TACC2: variants seen among roughly 807,000 people sequenced by gnomAD.
The protein encoded by TACC2 is transforming acidic coiled-coil-containing protein 2.
TACC2 carries 137 observed loss-of-function variants against 227.3 expected under a neutral mutation model. That is an observed-to-expected ratio of 0.60 (90% CI 0.52 to 0.69). The LOEUF (loss-of-function observed/expected upper bound fraction) is 0.69. TACC2 is among the 30% of genes least tolerant of loss of function. TACC2 has a pLI of 0.00. For missense variants in TACC2, 3,470 were observed against 3,694.4 expected (o/e 0.94, Z 1.57); for synonymous variants, 1,523 against 1,487.5 (o/e 1.02, Z -0.55).
At position 122,084,959 on chromosome 10, in the gene TACC2, A is replaced by T; in HGVS notation, c.2459A>T (p.Glu820Val). 2 of 1,614,174 alleles carry T rather than the reference A, an allele frequency of 1.2e-6. No individual in the cohort carries two copies. Among genetic ancestry groups the T allele is most frequent in the Non-Finnish European group, 1.7e-6 (2 of 1,180,034 alleles). The change falls in exon 4 of 23, where the codon GAG becomes GTG. Residue 820 changes from glutamate to valine, a missense_variant. Transcript: ENST00000369005. ...GGCTGGATAAGAGGAGCTGCATCCG[A>T]GTGGCCCCTACTATCTTCTGAGAAG... ...GEGWIRGAAS[E>V]WPLLSSEKHL...
intron 10 of TACC2, among the ~76,000 whole-genome samples, chr10:122,216,384 T>A (rs1265919115): frequency 6.6e-6 from 1 of 151,458 alleles, no homozygotes; most frequent in Non-Finnish European, 1.5e-5. Flanking sequence ...ATCCTGATTT[T>A]TTTTTTTTTT....
chr10:122,033,647 C>A (rs894496276), intron 2 of TACC2, among the ~76,000 whole-genome samples: 1 of 152,156 alleles, frequency 6.6e-6, no homozygotes, highest in African/African-American at 2.4e-5. Context: ...GTGGCTCTGC[C>A]CAAAGTGTTT....
intron 19 of TACC2, among the ~76,000 whole-genome samples, chr10:122,245,330 C>T (rs2096087295): frequency 1.3e-5 from 2 of 152,070 alleles, no homozygotes; most frequent in Admixed American, 1.3e-4. Flanking sequence ...TTCTTGCCTC[C>T]CCCGTCTCCT....
Position 122,084,992 on chromosome 10 carries a change from A to C in TACC2, c.2492A>C (p.Gln831Pro). 1 of 1,614,156 alleles carries C rather than the reference A, an allele frequency of 6.2e-7. No homozygotes were observed. The highest frequency in any genetic ancestry group is 1.3e-5 in the African/African-American group (1 of 75,044). ...CTACTATCTTCTGAGAAGCATCTCC[A>C]GCCATCCCAGGCACAACCAGAGACA... Reference protein sequence around the residue: ...WPLLSSEKHLQPSQAQPETSI... With the variant: ...WPLLSSEKHLPPSQAQPETSI... The change falls in exon 4 of 23, where the codon CAG becomes CCG. Residue 831 changes from glutamine to proline, a missense_variant. Gln to Pro is a moderately conservative substitution (Grantham distance 76). Coordinates refer to ENST00000369005, the MANE Select transcript of TACC2 (RefSeq NM_206862.4).
rs1248601100 is a variant in TACC2 at position 122,227,971 on chromosome 10, C to CCAT, written c.7860_7862dup (p.Ala2620_Met2621insIle). 3.1e-6 allele frequency: 5 copies of CCAT among 1,614,064 alleles called. No homozygotes were observed. The South Asian group carries it at 5.5e-5, about 18-fold the overall frequency. On this transcript the variant is annotated inframe_insertion, in exon 14 of 23. Coordinates refer to ENST00000369005, the MANE Select transcript of TACC2 (RefSeq NM_206862.4). The stretch of plus-strand genomic sequence containing the variant: ...AAATCCTCCCAGAAGGAGCTGGAGG[C>CCAT]CATGGGCTTGGGCACCCCTTCAGAA...
chr10:122,254,119 TC>T lies in TACC2; in HGVS notation c.*65del. On this transcript the variant is annotated 3_prime_UTR_variant, in exon 23 of 23. Transcript: ENST00000369005. ...AATATGACCGTCGGCACACTGCTGT[TC>T]CTCCAGTTCCATGGACAGGTTCTGT... 7.5e-7 allele frequency: 1 copy of T among 1,324,724 alleles called. No individual in the cohort carries two copies. The highest frequency in any genetic ancestry group is 1.4e-5 in the African/African-American group (1 of 69,356). The allele number at this position is 1,324,724 out of a possible 1,614,324, so 82.1% of individuals were successfully genotyped here.
At position 122,249,012 on chromosome 10, in the gene TACC2, C is replaced by T. The variant is rs372616886; in HGVS notation, c.8554-38C>T. 1.1e-3 allele frequency: 1,687 copies of T among 1,581,636 alleles called. 3 individuals are homozygous for T. Among genetic ancestry groups the T allele is most frequent in the Non-Finnish European group, 1.2e-3 (1,442 of 1,155,626 alleles). Reference sequence around the variant, plus strand: ...CCCACCAGTGCTGGGCATTTGTTCTCGTGGGCTTGACGCCTGTCCTCTGCC... The same window carrying T: ...CCCACCAGTGCTGGGCATTTGTTCTTGTGGGCTTGACGCCTGTCCTCTGCC... On this transcript the variant is annotated intron_variant, in intron 20 of 22. Transcript: ENST00000369005.
intron 7 of TACC2, among the ~76,000 whole-genome samples, chr10:122,174,241 A>G (rs1450212684): frequency 6.6e-6 from 1 of 152,186 alleles, no homozygotes; most frequent in Non-Finnish European, 1.5e-5. Context: ...AAACTCAGCC[A>G]GCACTCCCAA....
chr10:122,208,952 G>A (rs1270257900), intron 8 of TACC2, among the ~76,000 whole-genome samples: 1 of 152,250 alleles, frequency 6.6e-6, no homozygotes, highest in Non-Finnish European at 1.5e-5. Flanking sequence ...ATGCATGAAA[G>A]ATGCCGCTGG....
At chr10:122,216,892 C>T (rs72840893) in intron 11 of TACC2, 64 bp downstream of exon 11, 5 of 1,613,230 alleles carry the variant, frequency 3.1e-6, no homozygotes, top group Non-Finnish European at 4.2e-6. Flanking sequence ...CCTAGGGAGC[C>T]AAAGGCCAGG....
chr10:122,014,165 T>C (rs1956271023), intron 1 of TACC2, among the ~76,000 whole-genome samples: 1 of 152,082 alleles, frequency 6.6e-6, no homozygotes, highest in African/African-American at 2.4e-5. Flanking sequence ...GTAAAGACTT[T>C]GGGCAAGCTG....
intron 1 of TACC2, among the ~76,000 whole-genome samples, chr10:121,997,262 C>T (rs1953638996): frequency 6.6e-6 from 1 of 152,138 alleles, no homozygotes; most frequent in Non-Finnish European, 1.5e-5. Flanking sequence ...CTTCTCACTC[C>T]TGCTTCTCAG....
intron 3 of TACC2, among the ~76,000 whole-genome samples, chr10:122,055,186 C>T (rs1274047476): frequency 6.6e-6 from 1 of 151,864 alleles, no homozygotes; most frequent in African/African-American, 2.4e-5. Context: ...CACCACTGCA[C>T]TCCAGCCTGG....
intron 1 of TACC2, among the ~76,000 whole-genome samples, chr10:121,990,946 C>A (rs952151709): frequency 6.6e-6 from 1 of 152,094 alleles, no homozygotes; most frequent in South Asian, 2.1e-4. Flanking sequence ...TGCCACCACG[C>A]CCAGCTAATT....
chr10:122,231,002 C>A (rs150547603), intron 16 of TACC2, among the ~76,000 whole-genome samples: 1 of 152,158 alleles, frequency 6.6e-6, no homozygotes, highest in Non-Finnish European at 1.5e-5. Flanking sequence ...GTATTTCCAG[C>A]CTTGTGGGCC....
chr10:122,150,872 C>G lies in TACC2; in HGVS notation c.5834+7166C>G, dbSNP rs958661871. ...AGCCAGCCTCTCGGCAGATACATCC[C>G]GGTTGATTCTATGCCACGGACTATT... is the stretch of plus-strand genomic sequence containing the variant. On this transcript the variant is annotated intron_variant, in intron 7 of 22. Coordinates refer to ENST00000369005, the MANE Select transcript of TACC2 (RefSeq NM_206862.4). This position sits in a 1 kb window ranked among gnomAD's most constrained non-coding sequence, Gnocchi z 4.0. 6.6e-6 allele frequency among the ~76,000 whole-genome samples: 1 copy of G among 152,142 alleles called. No individual in the cohort carries two copies. Among genetic ancestry groups the G allele is most frequent in the African/African-American group, 2.4e-5 (1 of 41,436 alleles).
chr10:122,037,398 T>C (rs193030690), intron 2 of TACC2, among the ~76,000 whole-genome samples: 99 of 152,302 alleles, frequency 6.5e-4, no homozygotes, highest in African/African-American at 2.2e-3. Context: ...TCACTCACCA[T>C]GGGGGTGAGA....
At chr10:122,186,449 G>C (rs2094195730) in intron 7 of TACC2, among the ~76,000 whole-genome samples, 1 of 152,104 alleles carries the variant, frequency 6.6e-6, no homozygotes, top group Non-Finnish European at 1.5e-5. Flanking sequence ...AGCTGTGACT[G>C]TGCCACCGTA....
In TACC2 at chr10:122,211,708, C is replaced by T. The variant is rs940269349; in HGVS notation, c.7283C>T (p.Thr2428Ile). 7.1e-6 allele frequency: 11 copies of T among 1,543,594 alleles called. No homozygotes were observed. Among genetic ancestry groups the T allele is most frequent in the Non-Finnish European group, 6.9e-6 (8 of 1,151,734 alleles). Residue 2428 changes from threonine (T) to isoleucine (I), a missense_variant and splice_region_variant, in exon 9 of 23, where the codon ACT becomes ATT. This residue lies in a region of TACC2 where 593 missense variants were observed against 636.6 expected (regional missense o/e 0.93). Coordinates refer to ENST00000369005, the MANE Select transcript of TACC2 (RefSeq NM_206862.4). ...AAGAAGAAGAAGACGCCCCTAAAGA[C>T]GTAAGTTCAGGGGTGGAGGTGGTAA... ...PAKKKKTPLKTDTFRVKKSPK... is the reference protein window; with the variant it reads ...PAKKKKTPLKIDTFRVKKSPK...
Sources: allele counts gnomAD v4.1 joint callset (sites outside exome capture counted in the v4.1 genomes callset), GRCh38; gene constraint gnomAD v4.1.1; regional missense constraint gnomAD v4.1.1; non-coding constraint Gnocchi (gnomAD v3.1); transcripts MANE v1.5; gene names NCBI Gene and HGNC (gene_info 2026-07-23, HGNC 2026-07-21).